The following USP54 variants were observed in gnomAD, a reference collection of about 807,000 sequenced individuals.
The protein encoded by USP54 is ubiquitin specific peptidase 54, also known as ubiquitin carboxyl-terminal hydrolase 54.
Under a neutral mutation model 170.5 loss-of-function variants are expected in USP54, and 87 were observed. The ratio of observed to expected loss-of-function variants is 0.51; its 90% CI spans 0.43 to 0.61. The LOEUF is 0.61. Among genes scored for constraint, USP54 ranks in the 20% least tolerant of loss-of-function variants. The pLI is 0.00. For synonymous variants in USP54, 655 were observed against 742.8 expected (o/e 0.88, Z 1.92); for missense variants, 1,786 against 2,047.8 (o/e 0.87, Z 2.47).
chr10:73,572,994 T>G (rs2075467796), intron 3 of USP54, among the ~76,000 whole-genome samples: 1 of 152,112 alleles, frequency 6.6e-6, no homozygotes, highest in African/African-American at 2.4e-5. Flanking sequence ...CTAAAAAAAC[T>G]AATATGTGGC....
chr10:73,584,554 C>CAGAGAAGTTTA (rs2077261991), intron 1 of USP54, among the ~76,000 whole-genome samples: 1 of 152,096 alleles, frequency 6.6e-6, no homozygotes, highest in Non-Finnish European at 1.5e-5. Flanking sequence ...AATGAATTAA[C>CAGAGAAGTTTA]AGAGAAGTTT....
rs139274060 is a variant in USP54 at position 73,517,732 on chromosome 10, C to T, written c.2694G>A (p.Pro898=). 7 of 1,612,082 alleles carry T rather than the reference C, an allele frequency of 4.3e-6. No individual in the cohort carries two copies. Among genetic ancestry groups the T allele is most frequent in the East Asian group, 2.2e-5 (1 of 44,866 alleles). Reference sequence around the variant, plus strand: ...CCTCTTGGCTTAACAATACTTGGAGCGGGATAGGCTGTTCACTGAAACAAA... The same window carrying T: ...CCTCTTGGCTTAACAATACTTGGAGTGGGATAGGCTGTTCACTGAAACAAA... ...LSQPTSEQPI[P]LQVLLSQEAQ... Residue 898 remains proline, a synonymous_variant, in exon 20 of 24, where the codon CCG becomes CCA. Coordinates refer to ENST00000687698, the MANE Select transcript of USP54 (RefSeq NM_001391956.1).
intron 22 of USP54, among the ~76,000 whole-genome samples, chr10:73,502,686 C>G (rs914472263): frequency 4.6e-5 from 7 of 152,146 alleles, no homozygotes; most frequent in Admixed American, 3.9e-4. Flanking sequence ...TTCAGTCTCT[C>G]TAATCTTTTT....
chr10:73,552,995 A>AC (rs2069936119), intron 4 of USP54, among the ~76,000 whole-genome samples: 1 of 152,148 alleles, frequency 6.6e-6, no homozygotes, highest in African/African-American at 2.4e-5. Flanking sequence ...TCAGTCTCTG[A>AC]GATCTGAGTA....
chr10:73,620,919 G>A lies in USP54; in HGVS notation c.-18+4648C>T, dbSNP rs945857087. On this transcript the variant is annotated intron_variant, in intron 1 of 22. Coordinates refer to the USP54 transcript ENST00000339859. ...CACTGTAATCCCAGCACTTTGGGAG[G>A]CTGAGGCGGGTGGATCGCCCAAGGT... Among the ~76,000 whole-genome samples, 48 of 150,470 alleles carry A rather than the reference G, an allele frequency of 3.2e-4. 2 individuals are homozygous for A.
intron 15 of USP54, among the ~76,000 whole-genome samples, chr10:73,528,369 A>C (rs543244333): frequency 6.6e-6 from 1 of 151,984 alleles, no homozygotes; most frequent in South Asian, 2.1e-4. Flanking sequence ...CTCCTGCCTC[A>C]GCCTCCCAAG....
intron 22 of USP54, among the ~76,000 whole-genome samples, chr10:73,501,295 T>A (rs911560387): frequency 6.6e-6 from 1 of 152,240 alleles, no homozygotes; most frequent in Non-Finnish European, 1.5e-5. Context: ...TTCTCTCCTG[T>A]CACTGCTACA....
intron 1 of USP54, among the ~76,000 whole-genome samples, chr10:73,577,185 A>G (rs1189458610): frequency 6.6e-6 from 1 of 152,210 alleles, no homozygotes; most frequent in African/African-American, 2.4e-5. Context: ...AAATTTTTAA[A>G]TGTTAAGTGT....
chr10:73,549,146 C>T (rs1007356139), intron 4 of USP54, among the ~76,000 whole-genome samples: 8 of 152,224 alleles, frequency 5.3e-5, no homozygotes, highest in Admixed American at 2.0e-4. Flanking sequence ...AATGGTCACT[C>T]CTTATCAGTC....
At chr10:73,587,736 GGATT>G (rs1392754334) in intron 1 of USP54, among the ~76,000 whole-genome samples, 1 of 152,054 alleles carries the variant, frequency 6.6e-6, no homozygotes, top group Admixed American at 6.6e-5. Flanking sequence ...CTATCTCATA[GGATT>G]GTTATAAGAA....
chr10:73,599,073 C>T (rs993102957), intron 1 of USP54, among the ~76,000 whole-genome samples: 6 of 151,930 alleles, frequency 3.9e-5, no homozygotes, highest in Admixed American at 3.9e-4. Context: ...AGCAAGACTC[C>T]GTCTCAAAAA....
chr10:73,536,441 A>G lies in USP54; in HGVS notation c.976-4T>C, dbSNP rs2065224140. ...CATCCTTCCATTTGGGCCCAATCTG[A>G]ACCAGAAACAACCAGAAGAACATGA... is the stretch of plus-strand genomic sequence containing the variant. On this transcript the variant is annotated splice_polypyrimidine_tract_variant and splice_region_variant and intron_variant, in intron 10 of 23. Transcript: ENST00000687698. 6.6e-7 allele frequency: 1 copy of G among 1,523,710 alleles called. No individual in the cohort carries two copies. The highest frequency in any genetic ancestry group is 2.2e-5 in the Admixed American group (1 of 44,880). The allele number at this position is 1,523,710 out of a possible 1,614,324, so 94.4% of individuals were successfully genotyped here.
intron 9 of USP54, among the ~76,000 whole-genome samples, chr10:73,540,179 G>GCCAGTAAA (rs1012876510): frequency 1.1e-4 from 17 of 151,916 alleles, no homozygotes; most frequent in African/African-American, 3.1e-4. Context: ...ACAGATAGTG[G>GCCAGTAAA]CCAGTAAACT....
chr10:73,550,660 G>A (rs1463479786), intron 4 of USP54, among the ~76,000 whole-genome samples: 2 of 151,804 alleles, frequency 1.3e-5, no homozygotes, highest in Non-Finnish European at 2.9e-5. Flanking sequence ...ATCATTATGT[G>A]ATGCAGGTAG....
chr10:73,535,226 A>G (rs1264430066), intron 11 of USP54, among the ~76,000 whole-genome samples: 1 of 152,176 alleles, frequency 6.6e-6, no homozygotes, highest in African/African-American at 2.4e-5. Context: ...AATGACTCTG[A>G]GAAATTATTG....
rs182245586 is a variant in USP54 at position 73,510,057 on chromosome 10, A to G, written c.4052-4631T>C. On this transcript the variant is annotated intron_variant, in intron 20 of 23. Coordinates refer to ENST00000687698, the MANE Select transcript of USP54 (RefSeq NM_001391956.1). ...AGGTATAGCTAAATCAAAACTGGCC[A>G]TATGTGTGGTGGCTCACGCCTGTAA... Among the ~76,000 whole-genome samples, 253 of 151,980 alleles carry G rather than the reference A, an allele frequency of 1.7e-3. 1 individual carries two copies. The highest frequency in any genetic ancestry group is 5.9e-3 in the African/African-American group (244 of 41,478).
At chr10:73,565,328 G>A (rs1258742164) in intron 4 of USP54, among the ~76,000 whole-genome samples, 1 of 151,846 alleles carries the variant, frequency 6.6e-6, no homozygotes, top group Non-Finnish European at 1.5e-5. Context: ...ACCAGCCTAG[G>A]CAACATAGTG....
chr10:73,534,072 T>C (rs1658973036), intron 12 of USP54, among the ~76,000 whole-genome samples: 1 of 152,254 alleles, frequency 6.6e-6, no homozygotes, highest in African/African-American at 2.4e-5. Context: ...ATGCTGCTAT[T>C]GACAGGAGTA....
chr10:73,561,302 T>C (rs1454337599), intron 4 of USP54, among the ~76,000 whole-genome samples: 1 of 151,902 alleles, frequency 6.6e-6, no homozygotes, highest in East Asian at 1.9e-4. Flanking sequence ...AGTCAAACAA[T>C]CATAGTTCTA....
Sources: allele counts gnomAD v4.1 joint callset (sites outside exome capture counted in the v4.1 genomes callset), GRCh38; gene constraint gnomAD v4.1.1; transcripts MANE v1.5; gene names NCBI Gene and HGNC (gene_info 2026-07-23, HGNC 2026-07-21).